MIGA1: variants seen among roughly 807,000 people sequenced by gnomAD.
MIGA1 encodes family with sequence similarity 73, member A.
MIGA1 carries 58 observed loss-of-function variants against 82.0 expected under a neutral mutation model. The ratio of observed to expected loss-of-function variants is 0.71; its 90% CI spans 0.57 to 0.88. MIGA1 has a LOEUF of 0.88. Ranked by LOEUF, MIGA1 falls within the 40% of genes least tolerant of loss-of-function variation. The pLI is 0.00. For missense variants in MIGA1, 751 were observed against 749.1 expected, an observed-to-expected ratio of 1.00 and a Z score of -0.03; for synonymous variants, 249 against 253.6, an observed-to-expected ratio of 0.98 and a Z score of 0.17.
chr1:77,793,241 C>T (rs952753577), intron 2 of MIGA1, among the ~76,000 whole-genome samples: 5 of 151,870 alleles, frequency 3.3e-5, no homozygotes, highest in Admixed American at 6.6e-5. Flanking sequence ...TTAGCTGTGA[C>T]GCAGGCATGC....
intron 13 of MIGA1, among the ~76,000 whole-genome samples, chr1:77,864,651 G>A (rs1158679864): frequency 6.6e-6 from 1 of 152,140 alleles, no homozygotes; most frequent in African/African-American, 2.4e-5. Context: ...ACTCCAGCCT[G>A]GACAACAAGA....
intron 14 of MIGA1, among the ~76,000 whole-genome samples, chr1:77,871,683 A>C (rs1646837221): frequency 6.6e-6 from 1 of 152,204 alleles, no homozygotes; most frequent in East Asian, 1.9e-4. Flanking sequence ...ATAAATATAG[A>C]GTTTCCTAAA....
At chr1:77,807,339 A>G (rs1359991343) in intron 5 of MIGA1, among the ~76,000 whole-genome samples, 1 of 151,980 alleles carries the variant, frequency 6.6e-6, no homozygotes, top group East Asian at 1.9e-4. Context: ...TTTTTAAAAA[A>G]AATTTTGTAG....
intron 8 of MIGA1, chr1:77,848,427 AAATACAG>A: frequency 1.1e-6 from 1 of 922,034 alleles, no homozygotes. Context: ...AAATAATGAT[AAATACAG>A]AGATAGAGAA....
intron 4 of MIGA1, among the ~76,000 whole-genome samples, chr1:77,805,048 G>A (rs1683038733): frequency 7.0e-6 from 1 of 143,450 alleles, no homozygotes; most frequent in African/African-American, 2.6e-5. Context: ...AGGCTGGAGT[G>A]CAGTGGCACA....
intron 7 of MIGA1, among the ~76,000 whole-genome samples, chr1:77,817,659 G>A (rs1683623260): frequency 6.6e-6 from 1 of 152,166 alleles, no homozygotes; most frequent in African/African-American, 2.4e-5. Flanking sequence ...GACTCTGGGA[G>A]CAGCTCTTTT....
At position 77,875,075 on chromosome 1, in the gene MIGA1, A is replaced by G; in HGVS notation, c.*11A>G. ...GCCAAAGTACAATAAGTACCATAAGAATCATACAATTTGAGTGTGCTATGA... is the reference window on the plus strand; with the variant it reads ...GCCAAAGTACAATAAGTACCATAAGGATCATACAATTTGAGTGTGCTATGA... On this transcript the variant is annotated 3_prime_UTR_variant, in exon 16 of 16. Coordinates refer to ENST00000370791, the MANE Select transcript of MIGA1 (RefSeq NM_198549.4). The G allele has an allele frequency of 1.3e-6, 2 of 1,582,990 alleles. No individual in the cohort carries two copies. The highest frequency in any genetic ancestry group is 8.7e-7 in the Non-Finnish European group (1 of 1,153,034).
chr1:77,868,952 T>A (rs1040731186), intron 14 of MIGA1, among the ~76,000 whole-genome samples: 13 of 149,606 alleles, frequency 8.7e-5, no homozygotes, highest in South Asian at 4.2e-4. Flanking sequence ...TTTTTTTTTT[T>A]ATTGATCATT....
rs1571026350 is a variant in MIGA1 at position 77,871,133 on chromosome 1, A to AGGGAGAGGGAGG, written c.1564-1862_1564-1861insAGGGGGAGAGGG. On this transcript the variant is annotated intron_variant, in intron 14 of 15. Coordinates refer to ENST00000370791, the MANE Select transcript of MIGA1 (RefSeq NM_198549.4). ...GGAGAGGGAGAGGGAGAGGAGGGAGAGGGAGAGGGCAGCACATTTTCTAGA... is the reference window on the plus strand; with the variant it reads ...GGAGAGGGAGAGGGAGAGGAGGGAGAGGGAGAGGGAGGGGGAGAGGGCAGCACATTTTCTAGA... Among the ~76,000 whole-genome samples the AGGGAGAGGGAGG allele has an allele frequency of 2.2e-5, 3 of 136,392 alleles. 1 individual carries two copies. Among genetic ancestry groups the AGGGAGAGGGAGG allele is most frequent in the Non-Finnish European group, 3.3e-5 (2 of 61,534 alleles). 89.5% of individuals were successfully genotyped at this position (136,392 alleles called of 152,430 possible). A position where few individuals can be genotyped will look rare whatever the true frequency, so the allele number is the denominator to read the frequency against.
At chr1:77,820,358 A>G (rs1192127985) in intron 7 of MIGA1, among the ~76,000 whole-genome samples, 1 of 152,148 alleles carries the variant, frequency 6.6e-6, no homozygotes, top group Non-Finnish European at 1.5e-5. Flanking sequence ...ATAATAACTA[A>G]AAGTACAGAC....
rs563315352 is a variant in MIGA1, at chr1:77,811,594, A to G, written c.638-2140A>G. 25 of 1,612,140 alleles carry G rather than the reference A, an allele frequency of 1.6e-5. No homozygotes were observed. In the African/African-American group the frequency reaches 2.7e-4, roughly 17 times the overall value. On this transcript the variant is annotated intron_variant, in intron 5 of 15. Coordinates refer to ENST00000370791, the MANE Select transcript of MIGA1 (RefSeq NM_198549.4). Reference sequence around the variant, plus strand: ...TTCCAAGCATGTTGCAATTTTGCCTATGGTTTTCTTTTGTTCTTCTGTGAA... The same window carrying G: ...TTCCAAGCATGTTGCAATTTTGCCTGTGGTTTTCTTTTGTTCTTCTGTGAA...
rs534267297 is a variant in MIGA1, at chr1:77,875,280, T to C, written c.*216T>C. ...AGTCATAGTGGCTTTTTGCATTCAT[T>C]AGGTAATAATTGAAGTCATGAAATG... On this transcript the variant is annotated 3_prime_UTR_variant, in exon 16 of 16. Coordinates refer to ENST00000370791, the MANE Select transcript of MIGA1 (RefSeq NM_198549.4). 7.8e-4 allele frequency: 363 copies of C among 466,172 alleles called. 3 individuals carry two copies. Among genetic ancestry groups the C allele is most frequent in the South Asian group, 4.5e-3 (126 of 28,052 alleles). 28.9% of individuals were successfully genotyped at this position (466,172 alleles called of 1,614,324 possible).
chr1:77,825,203 C>G (rs1683984701), intron 7 of MIGA1, among the ~76,000 whole-genome samples: 1 of 151,866 alleles, frequency 6.6e-6, no homozygotes, highest in Non-Finnish European at 1.5e-5. Flanking sequence ...GGCGGAGTTT[C>G]ACCATGTTGG....
At chr1:77,788,376 C>T (rs1358228513) in intron 2 of MIGA1, among the ~76,000 whole-genome samples, 1 of 151,980 alleles carries the variant, frequency 6.6e-6, no homozygotes, top group Non-Finnish European at 1.5e-5. Context: ...TGACCTTAAG[C>T]GATCCACCCA....
chr1:77,808,419 C>A (rs1459658010), intron 5 of MIGA1, among the ~76,000 whole-genome samples: 1 of 152,104 alleles, frequency 6.6e-6, no homozygotes, highest in Admixed American at 6.5e-5. Context: ...CTTAACCTAA[C>A]CTGTTGACTG....
rs368778651 is a variant in MIGA1 at position 77,835,170 on chromosome 1, G to C, written c.896-8137G>C. Among the ~76,000 whole-genome samples the C allele has an allele frequency of 1.3e-4, 20 of 152,288 alleles. No individual in the cohort carries two copies. In the East Asian group the frequency reaches 3.9e-3, roughly 29 times the overall value. On this transcript the variant is annotated intron_variant, in intron 7 of 15. Coordinates refer to ENST00000370791, the MANE Select transcript of MIGA1 (RefSeq NM_198549.4). ...GAAATTCCAAGTTCCAGGACTTCTA[G>C]TTTTCTTTAAAACTTTTAAAGCAAA...
intron 2 of MIGA1, among the ~76,000 whole-genome samples, chr1:77,784,705 A>T (rs2101683095): frequency 6.6e-6 from 1 of 152,296 alleles, no homozygotes; most frequent in East Asian, 1.9e-4. Context: ...AGGTTATATT[A>T]GTCCGTTTTC....
intron 8 of MIGA1, among the ~76,000 whole-genome samples, chr1:77,846,103 A>G (rs1393051322): frequency 6.6e-6 from 1 of 152,056 alleles, no homozygotes; most frequent in African/African-American, 2.4e-5. Flanking sequence ...TATCACCCTA[A>G]ACACAAACCC....
chr1:77,793,146 C>T (rs905486988), intron 2 of MIGA1, among the ~76,000 whole-genome samples: 10 of 152,096 alleles, frequency 6.6e-5, no homozygotes, highest in African/African-American at 2.2e-4. Context: ...CTCTGTTGCC[C>T]GGGCTGGAGT....
Sources: gnomAD v4.1 joint callset for allele counts (sites outside exome capture counted in the v4.1 genomes callset) on GRCh38, gnomAD v4.1.1 for gene constraint, MANE v1.5 for transcripts, NCBI Gene and HGNC (gene_info 2026-07-23, HGNC 2026-07-21) for gene names.